Variants in COL12A1 observed in about 807,000 individuals in gnomAD.
COL12A1 encodes the protein collagen type XII alpha 1 chain.
COL12A1 carries 114 observed loss-of-function variants against 349.7 expected under a neutral mutation model. The observed-to-expected ratio is 0.33, with a 90% CI of 0.28 to 0.38. The LOEUF is 0.38. Among genes scored for constraint, COL12A1 ranks in the 10% least tolerant of loss-of-function variants. COL12A1 has a pLI of 1.00. For missense variants in COL12A1, 3,284 were observed against 3,756.9 expected (o/e 0.87, Z 3.29); for synonymous variants, 1,369 against 1,329.0 (o/e 1.03, Z -0.66).
rs971928975 is a variant in COL12A1 at position 75,192,236 on chromosome 6, C to A, written c.310G>T (p.Val104Leu). Residue 104 changes from valine (V) to leucine (L), a missense_variant, in exon 4 of 66, where the codon GTA becomes TTA. Val to Leu is a conservative substitution (Grantham distance 32, BLOSUM62 1). This residue lies in a region of COL12A1 where 2,601 missense variants were observed against 2,824.8 expected (regional missense o/e 0.92). Coordinates refer to ENST00000322507, the MANE Select transcript of COL12A1 (RefSeq NM_004370.6). ...ITSYDEVEESVPVIGQLTIQT... is the reference protein window; with the variant it reads ...ITSYDEVEESLPVIGQLTIQT... Reference sequence around the variant, plus strand: ...CTTGTTAGTTGTCCTATAACTGGTACACTTTCTTCTACTTCATCATATGAA... The same window carrying A: ...CTTGTTAGTTGTCCTATAACTGGTAAACTTTCTTCTACTTCATCATATGAA... The A allele has an allele frequency of 6.2e-7, 1 of 1,603,826 alleles. No individual in the cohort carries two copies. Among genetic ancestry groups the A allele is most frequent in the Admixed American group, 1.7e-5 (1 of 59,280 alleles).
chr6:75,130,539 A>C (rs75929432), intron 36 of COL12A1, among the ~76,000 whole-genome samples: 25 of 152,164 alleles, frequency 1.6e-4, no homozygotes, highest in Non-Finnish European at 3.2e-4. Context: ...TCACATTTCC[A>C]AAGTCCCCAT....
rs1291554324 is a variant in COL12A1, at chr6:75,142,040, T to A, written c.4949A>T (p.Glu1650Val). 2.5e-6 allele frequency: 4 copies of A among 1,614,072 alleles called. No homozygotes were observed. Among genetic ancestry groups the A allele is most frequent in the South Asian group, 1.1e-5 (1 of 91,076 alleles). Reference protein sequence around the residue: ...EGESPPVTAQETTRPVPAPTN... With the variant: ...EGESPPVTAQVTTRPVPAPTN... ...GCAGGAGCACAACTCACGGGTAGTT[T>A]CTTGAGCAGTCACTGGAGGAGACTC... The change falls in exon 27 of 66, where the codon GAA becomes GTA. Residue 1650 changes from glutamate (E) to valine (V), a missense_variant. Around this residue, in one of 2 missense-constraint regions of COL12A1, gnomAD observed 2,601 missense variants for 2,824.8 expected, o/e 0.92. Transcript: ENST00000322507.
intron 8 of COL12A1, among the ~76,000 whole-genome samples, chr6:75,187,426 A>G (rs1769685026): frequency 6.6e-6 from 1 of 152,132 alleles, no homozygotes; most frequent in Non-Finnish European, 1.5e-5. Context: ...CCTTGCATAC[A>G]TGCAACTGCA....
chr6:75,097,351 A>G, intron 58 of COL12A1, 45 bp from the exon 59 acceptor site: 1 of 1,524,898 alleles, frequency 6.6e-7, no homozygotes, highest in Non-Finnish European at 9.1e-7. Flanking sequence ...GGTCATAAGC[A>G]AGTGAAAAGA....
chr6:75,182,889 A>T (rs1769385658), intron 10 of COL12A1, among the ~76,000 whole-genome samples, 161 bp downstream of exon 10: 1 of 152,254 alleles, frequency 6.6e-6, no homozygotes, highest in Admixed American at 6.5e-5. Flanking sequence ...AGAAAGTCAT[A>T]TCTCAGAGCT....
At chr6:75,137,138 G>A (rs150045284) in intron 31 of COL12A1, among the ~76,000 whole-genome samples, 14 of 152,248 alleles carry the variant, frequency 9.2e-5, no homozygotes, top group Middle Eastern at 3.4e-3. Flanking sequence ...TCTGGATATC[G>A]TCATGGATAA....
chr6:75,094,915 A>G (rs143589789), intron 60 of COL12A1, among the ~76,000 whole-genome samples, 193 bp downstream of exon 60: 66 of 152,358 alleles, frequency 4.3e-4, no homozygotes, highest in African/African-American at 1.4e-3. Context: ...TTTTCATCCC[A>G]GAATATTATA....
chr6:75,174,130 C>T (rs955811258), intron 13 of COL12A1, among the ~76,000 whole-genome samples: 5 of 152,176 alleles, frequency 3.3e-5, no homozygotes, highest in African/African-American at 7.2e-5. Context: ...ATAAAGGCCT[C>T]TGACAATTAA....
chr6:75,115,385 C>G (rs1769026887), intron 49 of COL12A1, among the ~76,000 whole-genome samples: 1 of 152,086 alleles, frequency 6.6e-6, no homozygotes, highest in Non-Finnish European at 1.5e-5. Context: ...GAAACACTAC[C>G]TTTCATTTTC....
At chr6:75,104,133 C>A (rs533034866) in intron 54 of COL12A1, among the ~76,000 whole-genome samples, 1 of 152,156 alleles carries the variant, frequency 6.6e-6, no homozygotes, top group Admixed American at 6.5e-5. Flanking sequence ...GAATTACATT[C>A]CTTGGGGAAA....
intron 47 of COL12A1, 111 bp from the exon 48 acceptor site, chr6:75,116,168 T>G (rs1582074195): frequency 9.7e-7 from 1 of 1,031,190 alleles, no homozygotes; most frequent in Non-Finnish European, 1.5e-6. Context: ...ATTGTTCATT[T>G]ATTAAAATAA....
chr6:75,159,943 A>C (rs940373404), intron 14 of COL12A1, among the ~76,000 whole-genome samples: 1 of 152,148 alleles, frequency 6.6e-6, no homozygotes, highest in African/African-American at 2.4e-5. Context: ...GATATACTTT[A>C]ACAACCTCAC....
chr6:75,140,633 G>T (rs1413729453), intron 27 of COL12A1, among the ~76,000 whole-genome samples: 2 of 139,530 alleles, frequency 1.4e-5, no homozygotes, highest in South Asian at 2.3e-4. Flanking sequence ...TGCAGCCTGG[G>T]TGACAGAGCG....
At chr6:75,096,619 G>A (rs1052728267) in intron 59 of COL12A1, among the ~76,000 whole-genome samples, 2 of 152,164 alleles carry the variant, frequency 1.3e-5, no homozygotes, top group Non-Finnish European at 2.9e-5. Flanking sequence ...AACAGGGGCC[G>A]GGCGCGGTGG....
intron 35 of COL12A1, 138 bp downstream of exon 35, chr6:75,131,802 C>T (rs1405001724): frequency 9.4e-6 from 9 of 957,558 alleles, no homozygotes; most frequent in South Asian, 2.0e-5. Flanking sequence ...ATACACCTAC[C>T]TCAAGTCATC....
At chr6:75,115,958 A>G (rs759828286) in intron 48 of COL12A1, 36 bp from the exon 49 acceptor site, 2 of 1,612,082 alleles carry the variant, frequency 1.2e-6, no homozygotes, top group Admixed American at 1.7e-5. Flanking sequence ...AACGGAGTAC[A>G]TTTTAATTAT....
rs762128925 is a variant in COL12A1, at chr6:75,145,429, G to A, written c.4587C>T (p.Asp1529=). ...KEVRLGPTVN[D]MQLTDLVPNT... ...TGGGAACAAGGTCAGTCAGCTGCAT[G>A]TCATTCACTGTTGGCCCCAAACGCA... Residue 1529 remains aspartate, a synonymous_variant, in exon 25 of 66, where the codon GAC becomes GAT. Transcript: ENST00000322507. 6.2e-7 allele frequency: 1 copy of A among 1,613,982 alleles called. No homozygotes were observed. The highest frequency in any genetic ancestry group is 8.5e-7 in the Non-Finnish European group (1 of 1,179,906).
At chr6:75,197,884 A>G (rs958997298) in intron 2 of COL12A1, among the ~76,000 whole-genome samples, 12 of 152,230 alleles carry the variant, frequency 7.9e-5, no homozygotes, top group African/African-American at 2.9e-4. Context: ...TTTTTGTTAC[A>G]TAAACTGGCA....
intron 17 of COL12A1, among the ~76,000 whole-genome samples, chr6:75,153,508 A>C (rs908209206): frequency 2.6e-5 from 4 of 152,142 alleles, no homozygotes; most frequent in African/African-American, 9.7e-5. Flanking sequence ...CCAGTTTATT[A>C]CAAGGTTAGC....
Sources: gnomAD v4.1 joint callset for allele counts (sites outside exome capture counted in the v4.1 genomes callset) on GRCh38, gnomAD v4.1.1 for gene constraint, gnomAD v4.1.1 regional missense constraint, MANE v1.5 for transcripts, NCBI Gene and HGNC (gene_info 2026-07-23, HGNC 2026-07-21) for gene names.